The following SLC9A9 variants were observed in gnomAD, a reference collection of about 807,000 sequenced individuals.
SLC9A9 encodes sodium/hydrogen exchanger 9.
In SLC9A9, 62 loss-of-function variants were observed where a neutral mutation model predicts 77.8. The ratio of observed to expected loss-of-function variants is 0.80; its 90% CI spans 0.65 to 0.98. The LOEUF is 0.98. Ranked by LOEUF, SLC9A9 falls within the 50% of genes least tolerant of loss-of-function variation. The pLI is 0.00. For missense variants in SLC9A9, 775 were observed against 774.9 expected, an observed-to-expected ratio of 1.00 and a Z score of 0.00; for synonymous variants, 320 against 283.5, an observed-to-expected ratio of 1.13 and a Z score of -1.29.
intron 12 of SLC9A9, among the ~76,000 whole-genome samples, chr3:143,410,828 T>C (rs1001994457): frequency 7.2e-5 from 11 of 152,212 alleles, no homozygotes; most frequent in Non-Finnish European, 1.3e-4. Flanking sequence ...TACACTTTGG[T>C]ATGAATGTTT....
chr3:143,464,608 A>C (rs1281276484), intron 12 of SLC9A9, among the ~76,000 whole-genome samples: 3 of 152,120 alleles, frequency 2.0e-5, no homozygotes, highest in African/African-American at 7.2e-5. Context: ...GACAGTATCA[A>C]TATTAGCTCC....
chr3:143,327,193 G>A (rs2031632458), intron 14 of SLC9A9, among the ~76,000 whole-genome samples: 1 of 152,136 alleles, frequency 6.6e-6, no homozygotes, highest in African/African-American at 2.4e-5. Context: ...TCCAAAAATG[G>A]TGAATGATAA....
At chr3:143,507,213 A>ATTG (rs1342901140) in intron 9 of SLC9A9, among the ~76,000 whole-genome samples, 1 of 150,750 alleles carries the variant, frequency 6.6e-6, no homozygotes, top group Non-Finnish European at 1.5e-5. Flanking sequence ...TATTATTATT[A>ATTG]TTTTTATTTT....
At chr3:143,455,951 G>A (rs1005170111) in intron 12 of SLC9A9, among the ~76,000 whole-genome samples, 1 of 151,828 alleles carries the variant, frequency 6.6e-6, no homozygotes, top group Non-Finnish European at 1.5e-5. Context: ...TTGAATTAGA[G>A]TTCCTTCCTA....
At chr3:143,279,966 T>TGG (rs1180298358) in intron 14 of SLC9A9, among the ~76,000 whole-genome samples, 2 of 152,142 alleles carry the variant, frequency 1.3e-5, no homozygotes, top group Non-Finnish European at 2.9e-5. Flanking sequence ...ACTACAGGCA[T>TGG]GTGCCATGAT....
intron 4 of SLC9A9, among the ~76,000 whole-genome samples, chr3:143,699,574 A>C (rs1483976643): frequency 2.0e-5 from 3 of 152,186 alleles, no homozygotes; most frequent in Non-Finnish European, 4.4e-5. Context: ...GCCGTGTCAC[A>C]GCAGAAAGCC....
At chr3:143,624,586 C>T (rs1199772258) in intron 6 of SLC9A9, among the ~76,000 whole-genome samples, 1 of 152,150 alleles carries the variant, frequency 6.6e-6, no homozygotes, top group Non-Finnish European at 1.5e-5. Flanking sequence ...TAAAAACTCT[C>T]AATAAATCAG....
At chr3:143,491,007 A>G (rs2035734863) in intron 11 of SLC9A9, among the ~76,000 whole-genome samples, 1 of 152,156 alleles carries the variant, frequency 6.6e-6, no homozygotes, top group South Asian at 2.1e-4. Context: ...TTCAATGTGA[A>G]AAGTGTACGA....
rs182878929 is a variant in SLC9A9, at chr3:143,284,817, C to T, written c.1605-15837G>A. On this transcript the variant is annotated intron_variant, in intron 14 of 15. Transcript: ENST00000316549. ...TGGGAGGGTCCCTGCTGTTCAGTCA[C>T]GTGTTCAGGGGCTTCCCCTACCCCA... is the stretch of plus-strand genomic sequence containing the variant. Among the ~76,000 whole-genome samples the T allele has an allele frequency of 6.0e-3, 909 of 152,226 alleles. 4 individuals are homozygous for T. Among genetic ancestry groups the T allele is most frequent in the African/African-American group, 0.021 (861 of 41,526 alleles).
chr3:143,380,680 G>T (rs1274303372), intron 13 of SLC9A9, among the ~76,000 whole-genome samples: 2 of 152,158 alleles, frequency 1.3e-5, no homozygotes, highest in East Asian at 3.9e-4. Context: ...TGTGTTTCCT[G>T]GACAATGGAG....
At chr3:143,716,584 C>T (rs1271478036) in intron 4 of SLC9A9, among the ~76,000 whole-genome samples, 1 of 151,906 alleles carries the variant, frequency 6.6e-6, no homozygotes, top group Non-Finnish European at 1.5e-5. Flanking sequence ...GTTGTGAGAA[C>T]CAAGAGGAAG....
chr3:143,276,783 A>G (rs1018491644), intron 14 of SLC9A9, among the ~76,000 whole-genome samples: 1 of 152,052 alleles, frequency 6.6e-6, no homozygotes, highest in Non-Finnish European at 1.5e-5. Context: ...GTCTAAAAAA[A>G]AAAACCTCCA....
intron 9 of SLC9A9, among the ~76,000 whole-genome samples, chr3:143,536,219 A>G (rs1426032244): frequency 6.6e-6 from 1 of 152,232 alleles, no homozygotes; most frequent in Non-Finnish European, 1.5e-5. Flanking sequence ...TAGAGATGAA[A>G]GAAAAGCAGC....
At chr3:143,666,667 C>T (rs192315526) in intron 5 of SLC9A9, among the ~76,000 whole-genome samples, 5 of 152,292 alleles carry the variant, frequency 3.3e-5, no homozygotes, top group African/African-American at 1.2e-4. Context: ...GTGCAAAAAT[C>T]ACAAGCATTC....
chr3:143,503,113 T>C (rs2035953201), intron 9 of SLC9A9, among the ~76,000 whole-genome samples: 1 of 152,294 alleles, frequency 6.6e-6, no homozygotes, highest in African/African-American at 2.4e-5. Context: ...CAGGACAAAG[T>C]GGGGCTTTCT....
At chr3:143,281,581 A>G (rs1938222316) in intron 14 of SLC9A9, among the ~76,000 whole-genome samples, 1 of 152,168 alleles carries the variant, frequency 6.6e-6, no homozygotes, top group Non-Finnish European at 1.5e-5. Flanking sequence ...CTTGAGGACT[A>G]CACAGTGTGT....
chr3:143,297,652 TC>T (rs1423341932), intron 14 of SLC9A9, among the ~76,000 whole-genome samples: 11 of 152,268 alleles, frequency 7.2e-5, no homozygotes, highest in African/African-American at 2.7e-4. Context: ...AGCATGTGTT[TC>T]CATTTGTGTC....
chr3:143,597,692 C>T (rs577624019), intron 6 of SLC9A9, among the ~76,000 whole-genome samples: 17 of 152,174 alleles, frequency 1.1e-4, no homozygotes, highest in Non-Finnish European at 2.1e-4. Context: ...GATCTGACAG[C>T]CATGAAAGAT....
At chr3:143,692,698 T>G (rs1183077794) in intron 5 of SLC9A9, among the ~76,000 whole-genome samples, 1 of 152,156 alleles carries the variant, frequency 6.6e-6, no homozygotes, top group Admixed American at 6.6e-5. Flanking sequence ...TAACTCAAAA[T>G]GGCTACATGT....
Sources: allele counts gnomAD v4.1 joint callset (sites outside exome capture counted in the v4.1 genomes callset), GRCh38; gene constraint gnomAD v4.1.1; transcripts MANE v1.5; gene names NCBI Gene and HGNC (gene_info 2026-07-23, HGNC 2026-07-21).